Variants in MACO1 observed in about 807,000 individuals in gnomAD.
MACO1 encodes the protein macoilin.
A neutral mutation model predicts 78.7 loss-of-function variants in MACO1; 14 were observed. The observed-to-expected ratio is 0.18, with a 90% confidence interval of 0.12 to 0.28. MACO1 has a LOEUF of 0.28. Among genes scored for constraint, MACO1 ranks in the 10% least tolerant of loss-of-function variants. MACO1 has a pLI of 1.00. For missense variants in MACO1, 501 were observed against 799.0 expected (o/e 0.63, Z 4.50); for synonymous variants, 288 against 291.6 (o/e 0.99, Z 0.12).
intron 1 of MACO1, among the ~76,000 whole-genome samples, chr1:25,433,840 C>G (rs1330706712): frequency 6.6e-6 from 1 of 152,196 alleles, no homozygotes; most frequent in Non-Finnish European, 1.5e-5. Flanking sequence ...TTTACAGATA[C>G]TATTTACCAT....
At chr1:25,456,863 T>C (rs770301806) in intron 5 of MACO1, 32 bp downstream of exon 5, 1 of 1,553,410 alleles carries the variant, frequency 6.4e-7, no homozygotes, top group Non-Finnish European at 8.6e-7. Flanking sequence ...GTTGGCTCAA[T>C]AGGCTAGTCA....
chr1:25,434,361 G>A (rs2042901547), intron 1 of MACO1, among the ~76,000 whole-genome samples: 1 of 152,200 alleles, frequency 6.6e-6, no homozygotes, highest in African/African-American at 2.4e-5. Flanking sequence ...TGTTGAGTGA[G>A]TAAATTAATA....
chr1:25,488,072 G>A (rs1398480558), intron 8 of MACO1, among the ~76,000 whole-genome samples: 5 of 152,162 alleles, frequency 3.3e-5, no homozygotes, highest in African/African-American at 1.2e-4. Context: ...TGTATTTTGA[G>A]ACAGGATATC....
Position 25,440,186 on chromosome 1 carries a change from G to A in MACO1, c.81-6576G>A, listed in dbSNP as rs535233575. 2.1e-5 allele frequency among the ~76,000 whole-genome samples: 3 copies of A among 145,668 alleles called. No individual in the cohort carries two copies. In the Admixed American group the frequency reaches 2.1e-4, roughly 10 times the overall value. On this transcript the variant is annotated intron_variant, in intron 1 of 10. Coordinates refer to ENST00000374343, the MANE Select transcript of MACO1 (RefSeq NM_018202.6). Reference sequence around the variant, plus strand: ...GAGGATCACTTGAGCCCAGGATCTTGCTATGTTGACCAATCTGGGCAACAT... The same window carrying A: ...GAGGATCACTTGAGCCCAGGATCTTACTATGTTGACCAATCTGGGCAACAT...
chr1:25,440,167 C>T (rs1038119147), intron 1 of MACO1, among the ~76,000 whole-genome samples: 2 of 148,554 alleles, frequency 1.3e-5, no homozygotes. Context: ...GTAGGAGGAT[C>T]ACTTGAGCCC....
intron 3 of MACO1, among the ~76,000 whole-genome samples, chr1:25,453,815 T>C (rs770141753): frequency 2.6e-5 from 4 of 152,170 alleles, no homozygotes; most frequent in Non-Finnish European, 5.9e-5. Context: ...ATACCCTCCC[T>C]ATGCTATTAT....
Position 25,456,689 on chromosome 1 carries a change from C to CA in MACO1, c.514dup (p.Ser172LysfsTer53), listed in dbSNP as rs763864637. 1 of 1,613,478 alleles carries CA rather than the reference C, an allele frequency of 6.2e-7. No individual in the cohort carries two copies. Among genetic ancestry groups the CA allele is most frequent in the Non-Finnish European group, 8.5e-7 (1 of 1,179,764 alleles). On this transcript the variant is annotated frameshift_variant, in exon 5 of 11. Transcript: ENST00000374343. LOFTEE classifies it high-confidence loss of function. ...CTGTGGTAACTTTGGGGTTTGGCTT[C>CA]AAAAGTTACGTAAGCTACAAAATGC...
At chr1:25,448,750 G>A in intron 2 of MACO1, 58 bp from the exon 3 acceptor site, 1 of 1,401,120 alleles carries the variant, frequency 7.1e-7, no homozygotes, top group Non-Finnish European at 9.5e-7. Context: ...AACAATGTGT[G>A]GTTGAAAATA....
chr1:25,451,255 A>G (rs1310465829), intron 3 of MACO1, among the ~76,000 whole-genome samples: 1 of 152,202 alleles, frequency 6.6e-6, no homozygotes, highest in African/African-American at 2.4e-5. Flanking sequence ...TTATTTCCTG[A>G]CAATATTAGG....
At chr1:25,436,486 G>A (rs2042920144) in intron 1 of MACO1, among the ~76,000 whole-genome samples, 1 of 151,882 alleles carries the variant, frequency 6.6e-6, no homozygotes, top group Non-Finnish European at 1.5e-5. Flanking sequence ...TACTAGATTT[G>A]GGCATAATTA....
At chr1:25,489,429 CAAA>C (rs2043464901) in intron 9 of MACO1, 136 bp downstream of exon 9, 2 of 1,036,228 alleles carry the variant, frequency 1.9e-6, no homozygotes, top group Non-Finnish European at 2.7e-6. Context: ...CTCTATGTGA[CAAA>C]AAGATTTGAA....
intron 6 of MACO1, among the ~76,000 whole-genome samples, chr1:25,480,927 AAAAT>A (rs1393848003): frequency 1.3e-4 from 4 of 29,898 alleles, no homozygotes; most frequent in Admixed American, 4.3e-4. Context: ...AAAAAAAAAA[AAAAT>A]ATATATATAT....
At chr1:25,436,580 T>C (rs1249096330) in intron 1 of MACO1, among the ~76,000 whole-genome samples, 1 of 152,200 alleles carries the variant, frequency 6.6e-6, no homozygotes, top group African/African-American at 2.4e-5. Context: ...GGATGGTACA[T>C]ACAACAGTAG....
At chr1:25,488,805 A>G (rs770576732) in intron 8 of MACO1, among the ~76,000 whole-genome samples, 1 of 151,460 alleles carries the variant, frequency 6.6e-6, no homozygotes, top group Non-Finnish European at 1.5e-5. Flanking sequence ...CTTTTTTAAA[A>G]TTTTATTTAT....
chr1:25,478,662 G>T (rs933543019), intron 6 of MACO1, among the ~76,000 whole-genome samples: 5 of 152,230 alleles, frequency 3.3e-5, no homozygotes, highest in African/African-American at 1.2e-4. Flanking sequence ...CTTAGAAGTT[G>T]AGTGCTATCT....
At chr1:25,445,579 CTTT>C (rs1210382666) in intron 1 of MACO1, among the ~76,000 whole-genome samples, 1 of 150,334 alleles carries the variant, frequency 6.7e-6, no homozygotes, top group Non-Finnish European at 1.5e-5. Flanking sequence ...TTTCTCTTTT[CTTT>C]TTATTATTTT....
intron 1 of MACO1, among the ~76,000 whole-genome samples, chr1:25,440,874 G>T (rs1049868959): frequency 2.0e-5 from 3 of 152,086 alleles, no homozygotes; most frequent in Non-Finnish European, 4.4e-5. Context: ...CTTACTAGAA[G>T]ATACTTTGAG....
chr1:25,458,934 A>ACTTGACATACT (rs1207352302), intron 6 of MACO1, 42 bp downstream of exon 6: 2 of 1,573,212 alleles, frequency 1.3e-6, no homozygotes, highest in Non-Finnish European at 1.7e-6. Context: ...TTTCCAGTAA[A>ACTTGACATACT]CTTGACATAC....
chr1:25,474,698 A>G (rs538032526), intron 6 of MACO1, among the ~76,000 whole-genome samples: 2 of 152,166 alleles, frequency 1.3e-5, no homozygotes, highest in African/African-American at 2.4e-5. Context: ...TGCTTACTCC[A>G]TCTGTGTCTA....
Sources: gnomAD v4.1 joint callset for allele counts (sites outside exome capture counted in the v4.1 genomes callset) on GRCh38, gnomAD v4.1.1 for gene constraint, MANE v1.5 for transcripts, NCBI Gene and HGNC (gene_info 2026-07-23, HGNC 2026-07-21) for gene names.